The following LRRC61 variants were observed in gnomAD, a reference collection of about 807,000 sequenced individuals.
The protein encoded by LRRC61 is leucine rich repeat containing 61, also known as leucine-rich repeat-containing protein 61.
Under a neutral mutation model 15.1 loss-of-function variants are expected in LRRC61, and 9 were observed. That is an observed-to-expected ratio of 0.60 (90% CI 0.36 to 1.04). LRRC61 has a LOEUF of 1.04. Ranked by LOEUF, LRRC61 falls within the 50% of genes least tolerant of loss-of-function variation. LRRC61 has a pLI of 0.01. For synonymous variants in LRRC61, 173 were observed against 158.6 expected, an observed-to-expected ratio of 1.09 and a Z score of -0.68; for missense variants, 344 against 335.6, an observed-to-expected ratio of 1.03 and a Z score of -0.20.
the LRRC61 span, among the ~76,000 whole-genome samples, chr7:150,317,473 GTTAATTATTTTGTGTTTCTCAC>G: frequency 2.0e-5 from 3 of 152,264 alleles, no homozygotes; most frequent in East Asian, 5.8e-4. Flanking sequence ...AATTTTGTCA[GTTAATTATTTTGTGTTTCTCAC>G]TTATGCAATC....
chr7:150,322,945 T>A (rs991569908), upstream of LRRC61: 1 of 152,262 alleles, frequency 6.6e-6, no homozygotes, highest in Non-Finnish European at 1.5e-5. Context: ...GCGGACGAGG[T>A]CCGGGTCGCA....
At chr7:150,331,087 G>C in intron 2 of LRRC61, 1 of 1,613,008 alleles carries the variant, frequency 6.2e-7, no homozygotes, top group Non-Finnish European at 8.5e-7. Context: ...CCATCTATCT[G>C]TCTTACCCCC....
upstream of LRRC61, chr7:150,322,551 A>G (rs1797645197): frequency 6.6e-6 from 1 of 152,242 alleles, no homozygotes; most frequent in Non-Finnish European, 1.5e-5. Flanking sequence ...TATATGGTCT[A>G]AAAAGGGGAG....
At chr7:150,324,887 C>A (rs551659472) in intron 1 of LRRC61, among the ~76,000 whole-genome samples, 1 of 152,296 alleles carries the variant, frequency 6.6e-6, no homozygotes, top group East Asian at 1.9e-4. Context: ...GGACCTTTGA[C>A]CCCGCTGACC....
At chr7:150,314,737 C>G in the LRRC61 span, among the ~76,000 whole-genome samples, 1 of 149,472 alleles carries the variant, frequency 6.7e-6, no homozygotes, top group Non-Finnish European at 1.5e-5. Context: ...GAGCCCAAGA[C>G]CAGCCTGAGC....
chr7:150,316,480 GTTAT>G, the LRRC61 span, among the ~76,000 whole-genome samples: 20,816 of 128,830 alleles, frequency 0.16, 2,205 homozygotes, highest in East Asian at 0.25. Context: ...TTAGAATCTG[GTTAT>G]TTTTTTTTTT....
chr7:150,314,478 G>A, the LRRC61 span, among the ~76,000 whole-genome samples: 1 of 152,112 alleles, frequency 6.6e-6, no homozygotes, highest in Non-Finnish European at 1.5e-5. Context: ...AGAAAATAGG[G>A]TGGGGGCGAT....
Position 150,330,351 on chromosome 7 carries a change from G to A in LRRC61, c.-145+4341G>A. 5.3e-6 allele frequency: 4 copies of A among 753,676 alleles called. No homozygotes were observed. Among genetic ancestry groups the A allele is most frequent in the Admixed American group, 5.2e-5 (3 of 57,930 alleles). The allele number at this position is 753,676 out of a possible 1,614,324, so 46.7% of individuals were successfully genotyped here. A position where few individuals can be genotyped will look rare whatever the true frequency, so the allele number is the denominator to read the frequency against. ...GGGGAAGGCTGGTGTTGCCTTGTCG[G>A]CCACATTCTGGAGCCCGGCAGACAG... On this transcript the variant is annotated intron_variant, in intron 2 of 2. Transcript: ENST00000359623. This position sits in a 1 kb window ranked among gnomAD's most constrained non-coding sequence, Gnocchi z 4.6.
chr7:150,314,046 G>A, the LRRC61 span, among the ~76,000 whole-genome samples: 1 of 152,220 alleles, frequency 6.6e-6, no homozygotes, highest in Non-Finnish European at 1.5e-5. Flanking sequence ...TCCCTCCAGG[G>A]CGAGTGAGCT....
At chr7:150,310,801 G>A in the LRRC61 span, among the ~76,000 whole-genome samples, 1 of 152,132 alleles carries the variant, frequency 6.6e-6, no homozygotes, top group Non-Finnish European at 1.5e-5. Context: ...TATTCAATAT[G>A]TTGATGAACT....
rs893392195 is a variant in LRRC61 at position 150,335,362 on chromosome 7, G to A, written c.-144-1356G>A. On this transcript the variant is annotated intron_variant, in intron 2 of 2. Transcript: ENST00000359623. This position sits in a 1 kb window ranked among gnomAD's most constrained non-coding sequence, Gnocchi z 4.3. The stretch of plus-strand genomic sequence containing the variant: ...TTGGAAAGTATATATAAATATTTGA[G>A]GTATAAATAAAAGAGAATGAGCTGG... Among the ~76,000 whole-genome samples the A allele has an allele frequency of 6.6e-6, 1 of 152,162 alleles. No homozygotes were observed. The highest frequency in any genetic ancestry group is 1.9e-4 in the East Asian group (1 of 5,196).
At position 150,323,938 on chromosome 7, in the gene LRRC61, G is replaced by A. The variant is rs114733086; in HGVS notation, c.-315+378G>A. ...AGCTTCCAGAAAGTAGCAGAGTGCT[G>A]CCGTGTCGTTTGTAACAGATCTCAC... is the stretch of plus-strand genomic sequence containing the variant. On this transcript the variant is annotated intron_variant, in intron 1 of 2. Transcript: ENST00000359623. Among the ~76,000 whole-genome samples, 814 of 152,338 alleles carry A rather than the reference G, an allele frequency of 5.3e-3. 8 individuals are homozygous for A. Among genetic ancestry groups the A allele is most frequent in the African/African-American group, 0.019 (777 of 41,570 alleles).
In LRRC61 at chr7:150,337,319, T is replaced by C. The variant is rs1457135125; in HGVS notation, c.458T>C (p.Leu153Pro). The change falls in exon 3 of 3, where the codon CTG becomes CCG. Residue 153 changes from leucine (L) to proline (P), a missense_variant. Coordinates refer to ENST00000359623, the MANE Select transcript of LRRC61 (RefSeq NM_001142928.2). ...NPSYWAAVRE[L>P]LPGLKVIDGE... ...TCCTACTGGGCTGCAGTCCGGGAGC[T>C]GCTGCCTGGCCTGAAAGTCATCGAC... 1.9e-6 allele frequency: 3 copies of C among 1,603,916 alleles called. No individual in the cohort carries two copies. Among genetic ancestry groups the C allele is most frequent in the Non-Finnish European group, 1.7e-6 (2 of 1,179,928 alleles).
intron 2 of LRRC61, chr7:150,332,633 T>G (rs938074232): frequency 1.8e-5 from 3 of 167,136 alleles, no homozygotes; most frequent in Non-Finnish European, 4.4e-5. Context: ...TACATTGAGA[T>G]CATACCCTAG....
the LRRC61 span, among the ~76,000 whole-genome samples, chr7:150,318,157 T>C: frequency 6.6e-6 from 1 of 152,150 alleles, no homozygotes; most frequent in Admixed American, 6.5e-5. Flanking sequence ...AAAGCATTAG[T>C]CATTTGTATC....
chr7:150,322,537 A>G, upstream of LRRC61: 1 of 152,206 alleles, frequency 6.6e-6, no homozygotes, highest in Admixed American at 6.5e-5. Context: ...ATCATGAAAT[A>G]CTCTATATGG....
chr7:150,331,044 G>A (rs1182560328), intron 2 of LRRC61: 2 of 1,612,146 alleles, frequency 1.2e-6, no homozygotes, highest in South Asian at 1.1e-5. Context: ...TGACCCCCTG[G>A]CTTACTGGGA....
At position 150,338,109 on chromosome 7, in the gene LRRC61, G is replaced by GCCCGT; in HGVS notation, c.*469_*473dup. The GCCCGT allele has an allele frequency of 3.4e-6, 2 of 579,888 alleles. No individual in the cohort carries two copies. The highest frequency in any genetic ancestry group is 3.8e-5 in the South Asian group (2 of 52,876). 35.9% of individuals were successfully genotyped at this position (579,888 alleles called of 1,614,324 possible). The stretch of plus-strand genomic sequence containing the variant: ...ACCCCCTCCCCGCAGCACCTTCTCT[G>GCCCGT]CCCGTTCTTGTCCACACATCTATTA... On this transcript the variant is annotated 3_prime_UTR_variant, in exon 3 of 3. Transcript: ENST00000359623.
intron 2 of LRRC61, chr7:150,334,205 T>A: frequency 2.6e-6 from 2 of 769,764 alleles, no homozygotes; most frequent in Non-Finnish European, 3.2e-6. Flanking sequence ...GGCATTCACT[T>A]AACCTCTGCA....
Sources: gnomAD v4.1 joint callset for allele counts (sites outside exome capture counted in the v4.1 genomes callset) on GRCh38, gnomAD v4.1.1 for gene constraint, Gnocchi (gnomAD v3.1) non-coding constraint, MANE v1.5 for transcripts, NCBI Gene and HGNC (gene_info 2026-07-23, HGNC 2026-07-21) for gene names.